SLIT2: variants seen among roughly 807,000 people sequenced by gnomAD.
The protein encoded by SLIT2 is slit homolog 2 protein.
SLIT2 carries 41 observed loss-of-function variants against 185.7 expected under a neutral mutation model. That is an observed-to-expected ratio of 0.22 (90% CI 0.17 to 0.29). The LOEUF is 0.29. Ranked by LOEUF, SLIT2 falls within the 10% of genes least tolerant of loss-of-function variation. The probability of loss-of-function intolerance (pLI) is 1.00; values close to 1 mark genes in which losing one functional copy is unlikely to be tolerated. For synonymous variants in SLIT2, 693 were observed against 680.2 expected, an observed-to-expected ratio of 1.02 and a Z score of -0.29; for missense variants, 1,571 against 1,909.0, an observed-to-expected ratio of 0.82 and a Z score of 3.30.
chr4:20,259,855 C>T (rs930020457), intron 3 of SLIT2, among the ~76,000 whole-genome samples: 1 of 151,688 alleles, frequency 6.6e-6, no homozygotes, highest in African/African-American at 2.4e-5. Flanking sequence ...TGGCCAAGAG[C>T]AAATATTTCA....
intron 4 of SLIT2, chr4:20,393,754 A>G (rs913732205): frequency 3.3e-5 from 5 of 152,058 alleles, no homozygotes; most frequent in African/African-American, 1.2e-4. Context: ...AGCTTCCTAC[A>G]TAAGAGGATG....
At chr4:20,575,720 C>T (rs1382292422) in intron 29 of SLIT2, among the ~76,000 whole-genome samples, 3 of 152,112 alleles carry the variant, frequency 2.0e-5, no homozygotes, top group East Asian at 3.9e-4. Flanking sequence ...CTTCAGCTCG[C>T]TGTGCACAAT....
intron 24 of SLIT2, 67 bp from the exon 25 acceptor site, chr4:20,550,760 G>A (rs1032760310): frequency 2.7e-5 from 25 of 938,744 alleles, no homozygotes; most frequent in South Asian, 1.5e-4. Flanking sequence ...CTAAAGTCTC[G>A]GAATTTCTCT....
rs67546102 is a variant in SLIT2 at position 20,388,778 on chromosome 4, G to GAA, written c.396-78960_396-78959dup. Among the ~76,000 whole-genome samples, 19 of 125,836 alleles carry GAA rather than the reference G, an allele frequency of 1.5e-4. 1 individual carries two copies. The highest frequency in any genetic ancestry group is 8.4e-4 in the Admixed American group (10 of 11,884). The allele number at this position is 125,836 out of a possible 152,430, so 82.6% of individuals were successfully genotyped here. Reference sequence around the variant, plus strand: ...GACAGAGCGAGACTCCGTCTCAGGGGAAAAAAAAAAAAAAATATATATATA... The same window carrying GAA: ...GACAGAGCGAGACTCCGTCTCAGGGGAAAAAAAAAAAAAAAAATATATATATA... On this transcript the variant is annotated intron_variant, in intron 4 of 36. Transcript: ENST00000504154.
intron 15 of SLIT2, among the ~76,000 whole-genome samples, chr4:20,527,293 CTT>C (rs1000895901): frequency 6.8e-6 from 1 of 146,850 alleles, no homozygotes. Context: ...GAGAGTTCAT[CTT>C]TTTTTTTTTG....
chr4:20,460,185 T>C (rs1009968994), intron 4 of SLIT2, among the ~76,000 whole-genome samples: 8 of 151,978 alleles, frequency 5.3e-5, no homozygotes, highest in African/African-American at 7.3e-5. Flanking sequence ...TCTTTTTTTT[T>C]CCCTGCCTCC....
At chr4:20,584,703 A>G (rs1282207886) in intron 29 of SLIT2, among the ~76,000 whole-genome samples, 1 of 152,242 alleles carries the variant, frequency 6.6e-6, no homozygotes, top group Non-Finnish European at 1.5e-5. Flanking sequence ...GTTACTGTAG[A>G]ACTTGGTCAT....
intron 4 of SLIT2, among the ~76,000 whole-genome samples, chr4:20,309,332 A>C (rs1008030457): frequency 2.6e-5 from 4 of 152,088 alleles, no homozygotes; most frequent in African/African-American, 9.7e-5. Flanking sequence ...TCAGATTTTT[A>C]CTTTTAGTTT....
chr4:20,573,377 C>A, intron 29 of SLIT2: 1 of 688,086 alleles, frequency 1.5e-6, no homozygotes, highest in Non-Finnish European at 2.7e-6. Context: ...AATATAAAAT[C>A]TGAAAACAAT....
chr4:20,580,973 G>A lies in SLIT2; in HGVS notation c.3089-8671G>A, dbSNP rs1267436155. ...AAATGAAAAAAAGAAAAAGAAAAAG[G>A]AAGAAATAGTGGCATAAGTTGAAAG... On this transcript the variant is annotated intron_variant, in intron 29 of 36. Transcript: ENST00000504154. Among the ~76,000 whole-genome samples, 3 of 152,160 alleles carry A rather than the reference G, an allele frequency of 2.0e-5. No individual in the cohort carries two copies. In the East Asian group the frequency reaches 5.8e-4, roughly 29 times the overall value.
chr4:20,264,029 C>T (rs567834571), intron 3 of SLIT2, among the ~76,000 whole-genome samples: 3 of 151,904 alleles, frequency 2.0e-5, no homozygotes, highest in South Asian at 2.1e-4. Flanking sequence ...GAGTGTTTCT[C>T]ATAGTCTCTC....
chr4:20,268,980 C>T, intron 4 of SLIT2, 99 bp downstream of exon 4: 1 of 754,160 alleles, frequency 1.3e-6, no homozygotes, highest in Non-Finnish European at 2.4e-6. Flanking sequence ...GGAATCTGTT[C>T]ATCAATAGAT....
At chr4:20,612,028 A>C (rs1578022637) in intron 34 of SLIT2, among the ~76,000 whole-genome samples, 1 of 152,148 alleles carries the variant, frequency 6.6e-6, no homozygotes, top group African/African-American at 2.4e-5. Context: ...TTTCATTAGA[A>C]TCCACTTCAT....
intron 4 of SLIT2, among the ~76,000 whole-genome samples, chr4:20,300,582 A>T (rs1716944159): frequency 6.8e-6 from 1 of 147,578 alleles, no homozygotes; most frequent in Admixed American, 7.0e-5. Context: ...GTTGTCTCGC[A>T]CATGTAGACA....
chr4:20,379,269 G>A (rs1019858302), intron 4 of SLIT2, among the ~76,000 whole-genome samples: 2 of 151,986 alleles, frequency 1.3e-5, no homozygotes, highest in South Asian at 2.1e-4. Context: ...GGGGCAGGAG[G>A]TATATGAGAA....
At chr4:20,263,366 G>A (rs1247447326) in intron 3 of SLIT2, among the ~76,000 whole-genome samples, 1 of 151,794 alleles carries the variant, frequency 6.6e-6, no homozygotes, top group African/African-American at 2.4e-5. Context: ...AATTATTTGT[G>A]TGTCCTCTCT....
At chr4:20,379,505 T>C (rs1289338035) in intron 4 of SLIT2, among the ~76,000 whole-genome samples, 3 of 152,166 alleles carry the variant, frequency 2.0e-5, no homozygotes, top group Non-Finnish European at 2.9e-5. Flanking sequence ...GATTTCAATT[T>C]CTTTGGTAGC....
intron 4 of SLIT2, among the ~76,000 whole-genome samples, chr4:20,411,794 A>G (rs1727276960): frequency 6.6e-6 from 1 of 152,146 alleles, no homozygotes; most frequent in African/African-American, 2.4e-5. Context: ...GGATTGAGCC[A>G]ATATGTTTTA....
intron 29 of SLIT2, among the ~76,000 whole-genome samples, chr4:20,570,916 AT>A (rs1349763835): frequency 6.6e-6 from 1 of 151,512 alleles, no homozygotes; most frequent in Non-Finnish European, 1.5e-5. Flanking sequence ...CCTTATTCTT[AT>A]CCATTTCTTT....
Sources: allele counts gnomAD v4.1 joint callset (sites outside exome capture counted in the v4.1 genomes callset), GRCh38; gene constraint gnomAD v4.1.1; transcripts MANE v1.5; gene names NCBI Gene and HGNC (gene_info 2026-07-23, HGNC 2026-07-21).